The following VASN variants were observed in gnomAD, a reference collection of about 807,000 sequenced individuals.
VASN encodes protein slit-like 2.
In VASN, 5 loss-of-function variants were observed where a neutral mutation model predicts 4.8. The observed-to-expected ratio is 1.03, with a 90% CI of 0.54 to 2.17. The LOEUF is 2.17. VASN is among the 30% of genes most tolerant of loss of function. VASN has a pLI of 0.01. For missense variants in VASN, 927 were observed against 948.8 expected, an observed-to-expected ratio of 0.98 and a Z score of 0.30; for synonymous variants, 499 against 460.8, an observed-to-expected ratio of 1.08 and a Z score of -1.06.
chr16:4,381,809 C>T lies in VASN; in HGVS notation c.932C>T (p.Pro311Leu), dbSNP rs150951667. 12 of 1,600,330 alleles carry T rather than the reference C, an allele frequency of 7.5e-6. No individual in the cohort carries two copies. Among genetic ancestry groups the T allele is most frequent in the Admixed American group, 5.0e-5 (3 of 59,936 alleles). ...NCVCPLSWFG[P>L]WVRESHVTLA... ...GTGTGCCCCCTGAGCTGGTTTGGCC[C>T]CTGGGTGCGCGAGAGCCACGTCACA... is the stretch of plus-strand genomic sequence containing the variant. Residue 311 changes from proline to leucine, a missense_variant, in exon 2 of 2, where the codon CCC (proline) becomes CTC (leucine). Pro to Leu is a moderately conservative substitution (Grantham distance 98). Transcript: ENST00000304735.
chr16:4,379,371 G>A (rs2054870492), intron 1 of VASN, among the ~76,000 whole-genome samples: 1 of 152,074 alleles, frequency 6.6e-6, no homozygotes, highest in African/African-American at 2.4e-5. Context: ...AGGAGTCTAG[G>A]TGATGGGGGC....
chr16:4,382,835 T>G lies in VASN; in HGVS notation c.1958T>G (p.Val653Gly), dbSNP rs1210744880. ...CTGCCCAGCGGGTCTGAGTGTGAGG[T>G]GCCACTCATGGGCTTCCCAGGGCCT... ...EALPSGSECE[V>G]PLMGFPGPGL... The change falls in exon 2 of 2, where the codon GTG (valine) becomes GGG (glycine). Residue 653 changes from valine (V) to glycine (G), a missense_variant. Transcript: ENST00000304735. 4 of 1,597,598 alleles carry G rather than the reference T, an allele frequency of 2.5e-6. No homozygotes were observed. The East Asian group carries it at 6.8e-5, about 27-fold the overall frequency.
chr16:4,382,387 C>A lies in VASN; in HGVS notation c.1510C>A (p.Pro504Thr). The change falls in exon 2 of 2, where the codon CCT becomes ACT. Residue 504 changes from proline (P) to threonine (T), a missense_variant. Coordinates refer to ENST00000304735, the MANE Select transcript of VASN (RefSeq NM_138440.3). ...LRLTYRNLSG[P>T]DKRLVTLRLP... ...TCTCACCTATCGCAACCTATCGGGC[C>A]CTGATAAGCGGCTGGTGACGCTGCG... 1 of 1,612,284 alleles carries A rather than the reference C, an allele frequency of 6.2e-7. No individual in the cohort carries two copies. Among genetic ancestry groups the A allele is most frequent in the Non-Finnish European group, 8.5e-7 (1 of 1,179,796 alleles).
chr16:4,379,343 G>A (rs928296099), intron 1 of VASN, among the ~76,000 whole-genome samples: 1 of 152,052 alleles, frequency 6.6e-6, no homozygotes, highest in Non-Finnish European at 1.5e-5. Context: ...TCCTGGGGAC[G>A]GCCCCAGCGG....
Position 4,382,871 on chromosome 16 carries a change from C to T in VASN, c.1994C>T (p.Ser665Leu), listed in dbSNP as rs2055049610. ...LMGFPGPGLQ[S>L]PLHAKPYI ...GGCTTCCCAGGGCCTGGCCTCCAGT[C>T]ACCCCTCCACGCAAAGCCCTACATC... is the stretch of plus-strand genomic sequence containing the variant. The change falls in exon 2 of 2, where the codon TCA becomes TTA. Residue 665 changes from serine (S) to leucine (L), a missense_variant. Transcript: ENST00000304735. The T allele has an allele frequency of 2.6e-6, 4 of 1,557,244 alleles. No homozygotes were observed. Among genetic ancestry groups the T allele is most frequent in the Non-Finnish European group, 3.5e-6 (4 of 1,153,006 alleles).
At position 4,382,714 on chromosome 16, in the gene VASN, G is replaced by C; in HGVS notation, c.1837G>C (p.Gly613Arg). Reference protein sequence around the residue: ...RAMAAAAQDKGQVGPGAGPLE... With the variant: ...RAMAAAAQDKRQVGPGAGPLE... ...CATGGCAGCAGCGGCTCAGGACAAA[G>C]GGCAGGTGGGGCCAGGGGCTGGGCC... The change falls in exon 2 of 2, where the codon GGG becomes CGG. Residue 613 changes from glycine to arginine, a missense_variant. Physicochemically the swap from Gly to Arg is moderately radical, Grantham distance 125. Coordinates refer to ENST00000304735, the MANE Select transcript of VASN (RefSeq NM_138440.3). 6.4e-7 allele frequency: 1 copy of C among 1,551,038 alleles called. No homozygotes were observed. Among genetic ancestry groups the C allele is most frequent in the Non-Finnish European group, 8.7e-7 (1 of 1,148,464 alleles).
chr16:4,378,830 G>A (rs956689889), intron 1 of VASN, among the ~76,000 whole-genome samples: 2 of 152,078 alleles, frequency 1.3e-5, no homozygotes, highest in African/African-American at 2.4e-5. Flanking sequence ...CGCTAGGTTG[G>A]GGAGGCTTAG....
Position 4,383,156 on chromosome 16 carries a change from G to A in VASN, c.*257G>A, listed in dbSNP as rs753600129. On this transcript the variant is annotated 3_prime_UTR_variant, in exon 2 of 2. Coordinates refer to ENST00000304735, the MANE Select transcript of VASN (RefSeq NM_138440.3). ...CAGTGTCCGCCCTGCCCTCCGCAAC[G>A]TGCAGTCCCTGGGCACGGCGGGCCC... 6.5e-6 allele frequency: 3 copies of A among 459,210 alleles called. No homozygotes were observed. Among genetic ancestry groups the A allele is most frequent in the Non-Finnish European group, 1.2e-5 (3 of 255,198 alleles). 28.4% of individuals were successfully genotyped at this position (459,210 alleles called of 1,614,324 possible). A position where few individuals can be genotyped will look rare whatever the true frequency, so the allele number is the denominator to read the frequency against.
chr16:4,383,179 C>T lies in VASN; in HGVS notation c.*280C>T, dbSNP rs2141252113. The T allele has an allele frequency of 2.4e-6, 1 of 411,788 alleles. No homozygotes were observed. The highest frequency in any genetic ancestry group is 4.4e-6 in the Non-Finnish European group (1 of 225,310). 25.5% of individuals were successfully genotyped at this position (411,788 alleles called of 1,614,324 possible). Reference sequence around the variant, plus strand: ...ACGTGCAGTCCCTGGGCACGGCGGGCCCTGCCATGTGCTGGTAACGCATGC... The same window carrying T: ...ACGTGCAGTCCCTGGGCACGGCGGGTCCTGCCATGTGCTGGTAACGCATGC... On this transcript the variant is annotated 3_prime_UTR_variant, in exon 2 of 2. Transcript: ENST00000304735.
chr16:4,372,569 G>T (rs1424006225), intron 1 of VASN, among the ~76,000 whole-genome samples: 2 of 152,186 alleles, frequency 1.3e-5, no homozygotes, highest in African/African-American at 4.8e-5. Flanking sequence ...TAGAGCTTCG[G>T]GTATCAGGCA....
rs767568822 is a variant in VASN at position 4,382,164 on chromosome 16, G to T, written c.1287G>T (p.Ala429=). The part of the protein sequence containing the change: ...TCHLGTRHHL[A]CLCPEGFTGL... ...ACCTGGGGACACGGCACCACCTGGCGTGCTTGTGCCCCGAAGGCTTCACGG... is the reference window on the plus strand; with the variant it reads ...ACCTGGGGACACGGCACCACCTGGCTTGCTTGTGCCCCGAAGGCTTCACGG... The change falls in exon 2 of 2, where the codon GCG becomes GCT. Residue 429 remains alanine, a synonymous_variant. Coordinates refer to ENST00000304735, the MANE Select transcript of VASN (RefSeq NM_138440.3). The T allele has an allele frequency of 1.1e-5, 18 of 1,593,914 alleles. No individual in the cohort carries two copies. Among genetic ancestry groups the T allele is most frequent in the Non-Finnish European group, 1.5e-5 (17 of 1,171,508 alleles).
At chr16:4,374,028 C>G (rs1165969669) in intron 1 of VASN, among the ~76,000 whole-genome samples, 1 of 152,146 alleles carries the variant, frequency 6.6e-6, no homozygotes, top group Non-Finnish European at 1.5e-5. Context: ...GCCAAGAAAA[C>G]CAGCTCCCCT....
chr16:4,382,918 A>C lies in VASN; in HGVS notation c.*19A>C. 6.8e-7 allele frequency: 1 copy of C among 1,479,910 alleles called. No homozygotes were observed. The highest frequency in any genetic ancestry group is 9.0e-7 in the Non-Finnish European group (1 of 1,116,010). The allele number at this position is 1,479,910 out of a possible 1,614,324, so 91.7% of individuals were successfully genotyped here. On this transcript the variant is annotated 3_prime_UTR_variant, in exon 2 of 2. Coordinates refer to ENST00000304735, the MANE Select transcript of VASN (RefSeq NM_138440.3). ...CATCTAAGCCAGAGAGAGACAGGGCAGCTGGGGCCGGGCTCTCAGCCAGTG... is the reference window on the plus strand; with the variant it reads ...CATCTAAGCCAGAGAGAGACAGGGCCGCTGGGGCCGGGCTCTCAGCCAGTG...
chr16:4,381,643 C>T lies in VASN; in HGVS notation c.766C>T (p.Arg256Trp), dbSNP rs758417833. ...CGGCAACACCCGCATTGCCCAGCTGCGGCCCGAGGACCTGGCCGGCCTGGC... is the reference window on the plus strand; with the variant it reads ...CGGCAACACCCGCATTGCCCAGCTGTGGCCCGAGGACCTGGCCGGCCTGGC... Reference protein sequence around the residue: ...LAGNTRIAQLRPEDLAGLAAL... With the variant: ...LAGNTRIAQLWPEDLAGLAAL... Residue 256 changes from arginine (R) to tryptophan (W), a missense_variant, in exon 2 of 2, where the codon CGG (arginine) becomes TGG (tryptophan). By Grantham distance (101) the Arg-to-Trp change is moderately radical. Transcript: ENST00000304735. 13 of 1,599,742 alleles carry T rather than the reference C, an allele frequency of 8.1e-6. No homozygotes were observed. Among genetic ancestry groups the T allele is most frequent in the African/African-American group, 5.4e-5 (4 of 74,708 alleles).
At chr16:4,374,085 A>ATG (rs1420334581) in intron 1 of VASN, among the ~76,000 whole-genome samples, 5 of 145,256 alleles carry the variant, frequency 3.4e-5, no homozygotes, top group African/African-American at 1.4e-4. Flanking sequence ...GGGAGGGTGC[A>ATG]CGTGTGTGTG....
At chr16:4,372,162 TC>T (rs1348737031) in intron 1 of VASN, among the ~76,000 whole-genome samples, 169 bp downstream of exon 1, 3 of 151,420 alleles carry the variant, frequency 2.0e-5, no homozygotes, top group African/African-American at 7.3e-5. Context: ...CCCTGTACGC[TC>T]CCTCCCCCGC....
chr16:4,372,622 G>C (rs1342373652), intron 1 of VASN, among the ~76,000 whole-genome samples: 2 of 152,214 alleles, frequency 1.3e-5, no homozygotes, highest in Non-Finnish European at 2.9e-5. Context: ...GGCTTTGCTT[G>C]GGCTGCAAAC....
At chr16:4,373,732 G>A (rs578159934) in intron 1 of VASN, among the ~76,000 whole-genome samples, 1 of 152,236 alleles carries the variant, frequency 6.6e-6, no homozygotes, top group South Asian at 2.1e-4. Context: ...GCTTATAAGT[G>A]GGTCCCAACA....
In VASN at chr16:4,381,064, G is replaced by A. The variant is rs772755177; in HGVS notation, c.187G>A (p.Gly63Ser). 9.3e-6 allele frequency: 15 copies of A among 1,610,360 alleles called. No individual in the cohort carries two copies. The highest frequency in any genetic ancestry group is 5.3e-5 in the African/African-American group (4 of 74,866). ...GGTGGGGCTGTACGTCTTTGAGAAC[G>A]GCATCACCATGCTCGACGCAGGCAG... The part of the protein sequence containing the change: ...DTVGLYVFEN[G>S]ITMLDAGSFA... Residue 63 changes from glycine (G) to serine (S), a missense_variant, in exon 2 of 2, where the codon GGC becomes AGC. By Grantham distance (56) the Gly-to-Ser change is moderately conservative. Coordinates refer to ENST00000304735, the MANE Select transcript of VASN (RefSeq NM_138440.3).
Sources: allele counts gnomAD v4.1 joint callset (sites outside exome capture counted in the v4.1 genomes callset), GRCh38; gene constraint gnomAD v4.1.1; transcripts MANE v1.5; gene names NCBI Gene and HGNC (gene_info 2026-07-23, HGNC 2026-07-21).